YEATS4: variants seen among roughly 807,000 people sequenced by gnomAD.
YEATS4 encodes YEATS domain-containing protein 4.
In YEATS4, 17 loss-of-function variants were observed where a neutral mutation model predicts 30.1. The observed-to-expected ratio is 0.56, with a 90% CI of 0.39 to 0.85. The LOEUF is 0.85. YEATS4 is among the 40% of genes least tolerant of loss of function. The pLI, the probability that YEATS4 is intolerant of heterozygous loss-of-function variation, is 0.00. For synonymous variants in YEATS4, 85 were observed against 87.5 expected, an observed-to-expected ratio of 0.97 and a Z score of 0.16; for missense variants, 142 against 268.3, an observed-to-expected ratio of 0.53 and a Z score of 3.29.
chr12:69,419,686 C>T, the YEATS4 span, among the ~76,000 whole-genome samples: 2 of 152,150 alleles, frequency 1.3e-5, no homozygotes, highest in Non-Finnish European at 2.9e-5. Context: ...GTGTTGAGCA[C>T]TCTGATGGGA....
At chr12:69,391,024 C>T (rs111576071), downstream of YEATS4, among the ~76,000 whole-genome samples, 284 of 152,290 alleles carry the variant, frequency 1.9e-3, no homozygotes, top group African/African-American at 6.4e-3. Flanking sequence ...CCAGGCATGG[C>T]GGCTTACGCC....
intron 6 of YEATS4, among the ~76,000 whole-genome samples, chr12:69,384,471 C>T (rs1333478678): frequency 2.6e-5 from 4 of 152,142 alleles, no homozygotes; most frequent in Non-Finnish European, 5.9e-5. Context: ...ATTTTCTTAA[C>T]AGTACCAAAT....
downstream of YEATS4, among the ~76,000 whole-genome samples, chr12:69,393,521 AG>A (rs1244574854): frequency 6.6e-6 from 1 of 151,802 alleles, no homozygotes; most frequent in Non-Finnish European, 1.5e-5. Flanking sequence ...GAAAAAAAAA[AG>A]AGTAAATTGC....
downstream of YEATS4, among the ~76,000 whole-genome samples, chr12:69,393,155 C>T (rs1368773700): frequency 6.6e-6 from 1 of 152,064 alleles, no homozygotes; most frequent in Non-Finnish European, 1.5e-5. Flanking sequence ...GAGATCAAAA[C>T]CAAAGAAAAT....
chr12:69,381,283 A>G (rs974417058), intron 6 of YEATS4, among the ~76,000 whole-genome samples: 1 of 152,224 alleles, frequency 6.6e-6, no homozygotes, highest in Non-Finnish European at 1.5e-5. Flanking sequence ...AAAAGAATTC[A>G]GCGATATTTC....
chr12:69,360,343 T>A (rs909563713), intron 1 of YEATS4, among the ~76,000 whole-genome samples: 16 of 152,180 alleles, frequency 1.1e-4, no homozygotes, highest in African/African-American at 3.9e-4. Flanking sequence ...GCACATTCGC[T>A]GCCAATCTAG....
chr12:69,388,057 A>ATTTTTTTTT (rs1327528248), intron 6 of YEATS4, among the ~76,000 whole-genome samples: 1 of 65,932 alleles, frequency 1.5e-5, no homozygotes, highest in Non-Finnish European at 3.4e-5. Flanking sequence ...TATTTTTTTT[A>ATTTTTTTTT]TTTTTATTTT....
chr12:69,383,166 A>G (rs1876143731), intron 6 of YEATS4, among the ~76,000 whole-genome samples: 1 of 151,930 alleles, frequency 6.6e-6, no homozygotes, highest in African/African-American at 2.4e-5. Flanking sequence ...CAGGAGGCTG[A>G]GGTTGGGGGA....
the YEATS4 span, among the ~76,000 whole-genome samples, chr12:69,410,926 A>C: frequency 1.3e-4 from 20 of 152,294 alleles, no homozygotes; most frequent in South Asian, 4.2e-3. Context: ...TATTTAAATG[A>C]AATCTTTCTA....
the YEATS4 span, among the ~76,000 whole-genome samples, chr12:69,415,163 G>A: frequency 2.6e-5 from 4 of 152,176 alleles, no homozygotes; most frequent in African/African-American, 9.7e-5. Context: ...GAAAGAAACA[G>A]GGGATGTTGA....
At chr12:69,393,821 G>C (rs1458550142), downstream of YEATS4, among the ~76,000 whole-genome samples, 1 of 152,146 alleles carries the variant, frequency 6.6e-6, no homozygotes. Context: ...GTGTGTGCTT[G>C]AGATTTTTCA....
chr12:69,425,520 G>A, the YEATS4 span, among the ~76,000 whole-genome samples: 27 of 152,204 alleles, frequency 1.8e-4, no homozygotes, highest in Admixed American at 5.9e-4. Context: ...CCTCCATTGC[G>A]CCCACACAGT....
chr12:69,402,340 G>A, the YEATS4 span, among the ~76,000 whole-genome samples: 1 of 151,088 alleles, frequency 6.6e-6, no homozygotes. Context: ...GCCATTCGTT[G>A]TGGGCCTAAT....
chr12:69,376,216 AT>A (rs1248306929), intron 6 of YEATS4, among the ~76,000 whole-genome samples: 1 of 152,180 alleles, frequency 6.6e-6, no homozygotes, highest in Non-Finnish European at 1.5e-5. Context: ...AACTATAAAA[AT>A]TAACCGAGCA....
At chr12:69,360,101 C>T (rs1476352626) in intron 1 of YEATS4, 78 bp downstream of exon 1, 5 of 1,503,772 alleles carry the variant, frequency 3.3e-6, no homozygotes, top group Non-Finnish European at 4.5e-6. Context: ...GGAGGGCCCA[C>T]TGGGTTTCCT....
chr12:69,376,695 G>T (rs1003497120), intron 6 of YEATS4, among the ~76,000 whole-genome samples: 3 of 152,154 alleles, frequency 2.0e-5, no homozygotes, highest in African/African-American at 7.2e-5. Flanking sequence ...TTTGGTTTTG[G>T]TGTCTAGGTA....
the YEATS4 span, among the ~76,000 whole-genome samples, chr12:69,419,519 C>G: frequency 6.6e-6 from 1 of 152,092 alleles, no homozygotes; most frequent in Non-Finnish European, 1.5e-5. Flanking sequence ...ACCACCTGGC[C>G]TCAGCCAACT....
the YEATS4 span, among the ~76,000 whole-genome samples, chr12:69,422,492 G>T: frequency 6.6e-6 from 1 of 151,974 alleles, no homozygotes; most frequent in Non-Finnish European, 1.5e-5. Flanking sequence ...ATAGCTGGCT[G>T]TGGTGGCGCA....
chr12:69,379,052 C>T (rs1341755429), intron 6 of YEATS4, among the ~76,000 whole-genome samples: 4 of 152,106 alleles, frequency 2.6e-5, no homozygotes, highest in African/African-American at 9.7e-5. Flanking sequence ...GCTTTTTTTC[C>T]TTCAGCACTT....
Sources: allele counts gnomAD v4.1 joint callset (sites outside exome capture counted in the v4.1 genomes callset), GRCh38; gene constraint gnomAD v4.1.1; transcripts MANE v1.5; gene names NCBI Gene and HGNC (gene_info 2026-07-23, HGNC 2026-07-21).